Variants in GALNT17 observed in about 807,000 individuals in gnomAD.
GALNT17 encodes polypeptide N-acetylgalactosaminyltransferase 17, also known as UDP-GalNAc:polypeptide N-acetylgalactosaminyltransferase-like 3.
In GALNT17, 29 loss-of-function variants were observed where a neutral mutation model predicts 63.7. The observed-to-expected ratio is 0.46, with a 90% CI of 0.34 to 0.62. The LOEUF (loss-of-function observed/expected upper bound fraction) is 0.62, where lower values mean the gene tolerates loss of function less well. Ranked by LOEUF, GALNT17 falls within the 20% of genes least tolerant of loss-of-function variation. The probability of loss-of-function intolerance (pLI) is 0.01; values close to 1 mark genes in which losing one functional copy is unlikely to be tolerated. For synonymous variants in GALNT17, 305 were observed against 318.3 expected (o/e 0.96, Z 0.45); for missense variants, 603 against 799.6 (o/e 0.75, Z 2.97).
intron 5 of GALNT17, among the ~76,000 whole-genome samples, chr7:71,566,856 A>G (rs530773712): frequency 2.6e-5 from 4 of 152,220 alleles, no homozygotes; most frequent in South Asian, 4.2e-4. Context: ...CAGCAGATGG[A>G]AAGCCAGGAT....
intron 1 of GALNT17, among the ~76,000 whole-genome samples, chr7:71,275,692 G>A (rs12673515): frequency 0.12 from 17,665 of 152,214 alleles, 1,209 homozygotes; most frequent in South Asian, 0.21. Context: ...TGGGATGCAC[G>A]TGGTGCTAGC....
Position 71,412,380 on chromosome 7 carries a change from T to A in GALNT17, c.590-3509T>A, listed in dbSNP as rs547121443. Among the ~76,000 whole-genome samples, 11 of 152,220 alleles carry A rather than the reference T, an allele frequency of 7.2e-5. No homozygotes were observed. In the South Asian group the frequency reaches 1.9e-3, roughly 26 times the overall value. On this transcript the variant is annotated intron_variant, in intron 3 of 10. Coordinates refer to ENST00000333538, the MANE Select transcript of GALNT17 (RefSeq NM_022479.3). ...TCTCCTAGGCCATCATCTCCCTTTT[T>A]TTTTTTTTGAGACGGAGTCTCGCTC...
chr7:71,397,003 A>G (rs945870528), intron 3 of GALNT17, among the ~76,000 whole-genome samples: 1 of 152,014 alleles, frequency 6.6e-6, no homozygotes, highest in Non-Finnish European at 1.5e-5. Context: ...TAGCTCCAGT[A>G]GGTTTTTTTG....
chr7:71,408,157 C>T (rs1042392741), intron 3 of GALNT17, among the ~76,000 whole-genome samples: 1 of 152,054 alleles, frequency 6.6e-6, no homozygotes, highest in African/African-American at 2.4e-5. Context: ...CCACTAAGGC[C>T]CACTGAATTA....
chr7:71,622,455 T>C (rs969394702), intron 6 of GALNT17, among the ~76,000 whole-genome samples: 5 of 152,224 alleles, frequency 3.3e-5, no homozygotes, highest in Admixed American at 2.0e-4. Flanking sequence ...ATGAGTGGCC[T>C]GACCTGCAAG....
At chr7:71,354,364 G>T (rs912482284) in intron 2 of GALNT17, among the ~76,000 whole-genome samples, 2 of 152,116 alleles carry the variant, frequency 1.3e-5, no homozygotes, top group African/African-American at 4.8e-5. Flanking sequence ...TATGGCTATG[G>T]TATAGTTTAT....
intron 2 of GALNT17, among the ~76,000 whole-genome samples, chr7:71,367,809 T>G (rs1484175537): frequency 6.6e-6 from 1 of 152,252 alleles, no homozygotes; most frequent in Non-Finnish European, 1.5e-5. Flanking sequence ...TGCAGTCAGC[T>G]GCATAGAACA....
intron 2 of GALNT17, among the ~76,000 whole-genome samples, chr7:71,386,383 T>A (rs1792945192): frequency 2.0e-5 from 3 of 152,156 alleles, no homozygotes. Flanking sequence ...CCCTGTTCCG[T>A]TGTGCTATAT....
At chr7:71,191,310 T>G (rs2116338788) in intron 1 of GALNT17, among the ~76,000 whole-genome samples, 1 of 152,246 alleles carries the variant, frequency 6.6e-6, no homozygotes, top group African/African-American at 2.4e-5. Context: ...ATCATGCATA[T>G]ATATTCTTTT....
At chr7:71,444,877 A>C (rs548054355) in intron 5 of GALNT17, among the ~76,000 whole-genome samples, 5 of 152,298 alleles carry the variant, frequency 3.3e-5, no homozygotes, top group Admixed American at 6.5e-5. Context: ...ACTGGAGTTC[A>C]TTTGCCTGAG....
At chr7:71,435,344 A>G (rs190460974) in intron 5 of GALNT17, among the ~76,000 whole-genome samples, 1 of 152,182 alleles carries the variant, frequency 6.6e-6, no homozygotes, top group South Asian at 2.1e-4. Context: ...CTTAGTTTAT[A>G]GTTTAAAACA....
intron 1 of GALNT17, among the ~76,000 whole-genome samples, chr7:71,178,389 C>T (rs1186076526): frequency 6.6e-6 from 1 of 151,804 alleles, no homozygotes; most frequent in African/African-American, 2.4e-5. Context: ...TCTATTTATC[C>T]CTGCTTGGGT....
chr7:71,166,897 G>GT (rs914993559), intron 1 of GALNT17, among the ~76,000 whole-genome samples: 22 of 151,618 alleles, frequency 1.5e-4, no homozygotes, highest in African/African-American at 3.4e-4. Context: ...GTATTTAACT[G>GT]TTTTTTTTAA....
intron 6 of GALNT17, among the ~76,000 whole-genome samples, chr7:71,656,482 A>G (rs1473342468): frequency 2.0e-5 from 3 of 151,974 alleles, no homozygotes; most frequent in Admixed American, 6.6e-5. Flanking sequence ...AGACCACACG[A>G]AGATTGAGGA....
At chr7:71,705,322 C>T (rs1447938790) in intron 9 of GALNT17, among the ~76,000 whole-genome samples, 1 of 152,188 alleles carries the variant, frequency 6.6e-6, no homozygotes, top group Non-Finnish European at 1.5e-5. Flanking sequence ...CCACTTCACA[C>T]TCCTACTAGG....
At position 71,712,400 on chromosome 7, in the gene GALNT17, A is replaced by G; in HGVS notation, c.*254A>G. The G allele has an allele frequency of 2.7e-6, 1 of 372,894 alleles. No homozygotes were observed. The highest frequency in any genetic ancestry group is 2.7e-5 in the South Asian group (1 of 37,404). The allele number at this position is 372,894 out of a possible 1,614,324, so 23.1% of individuals were successfully genotyped here. On this transcript the variant is annotated 3_prime_UTR_variant, in exon 11 of 11. Coordinates refer to ENST00000333538, the MANE Select transcript of GALNT17 (RefSeq NM_022479.3). ...TCTGGGAAACTGACAGCTGTCTTCC[A>G]CAGCCTCTGATGTGGACCTGGTACT...
intron 6 of GALNT17, among the ~76,000 whole-genome samples, chr7:71,616,669 T>G (rs1361290024): frequency 7.4e-6 from 1 of 134,978 alleles, no homozygotes; most frequent in African/African-American, 2.7e-5. Flanking sequence ...AATCATAACA[T>G]GTAATATAAT....
chr7:71,542,330 T>C (rs1042238012), intron 5 of GALNT17, among the ~76,000 whole-genome samples: 4 of 152,004 alleles, frequency 2.6e-5, no homozygotes, highest in African/African-American at 9.7e-5. Context: ...TTGCATTTAT[T>C]GGAATTTAAA....
chr7:71,259,638 G>GTTTT (rs1219751607), intron 1 of GALNT17, among the ~76,000 whole-genome samples: 15,597 of 134,448 alleles, frequency 0.12, 1,217 homozygotes, highest in South Asian at 0.22. Context: ...TTTGTTTTTT[G>GTTTT]TTTTTTTGTT....
Sources: gnomAD v4.1 joint callset for allele counts (sites outside exome capture counted in the v4.1 genomes callset) on GRCh38, gnomAD v4.1.1 for gene constraint, MANE v1.5 for transcripts, NCBI Gene and HGNC (gene_info 2026-07-23, HGNC 2026-07-21) for gene names.